The following ST6GALNAC3 variants were observed in gnomAD, a reference collection of about 807,000 sequenced individuals.
ST6GALNAC3 encodes the protein ST6 N-acetylgalactosaminide alpha-2,6-sialyltransferase 3.
Under a neutral mutation model 32.7 loss-of-function variants are expected in ST6GALNAC3, and 25 were observed. The observed-to-expected ratio is 0.76, with a 90% CI of 0.56 to 1.07. ST6GALNAC3 has a LOEUF of 1.07. Among genes scored for constraint, ST6GALNAC3 ranks in the 50% least tolerant of loss-of-function variants. The probability of loss-of-function intolerance (pLI) is 0.00; values close to 1 mark genes in which losing one functional copy is unlikely to be tolerated. For synonymous variants in ST6GALNAC3, 129 were observed against 133.1 expected, an observed-to-expected ratio of 0.97 and a Z score of 0.21; for missense variants, 355 against 382.4, an observed-to-expected ratio of 0.93 and a Z score of 0.60.
chr1:76,253,828 G>T (rs1341090532), intron 1 of ST6GALNAC3, among the ~76,000 whole-genome samples: 2 of 152,056 alleles, frequency 1.3e-5, no homozygotes, highest in African/African-American at 4.8e-5. Context: ...AGATGGCATG[G>T]GTAGTTGGGC....
intron 1 of ST6GALNAC3, among the ~76,000 whole-genome samples, chr1:76,088,259 A>T (rs1646990754): frequency 6.6e-6 from 1 of 152,188 alleles, no homozygotes; most frequent in South Asian, 2.1e-4. Flanking sequence ...ATGACCACAG[A>T]CTTTGTTTCC....
chr1:76,152,265 A>G (rs907699233), intron 1 of ST6GALNAC3, among the ~76,000 whole-genome samples: 8 of 152,146 alleles, frequency 5.3e-5, no homozygotes, highest in Non-Finnish European at 1.2e-4. Flanking sequence ...TTTTCCAAGG[A>G]CACTGCTGAT....
At chr1:76,263,457 C>T (rs962377142) in intron 1 of ST6GALNAC3, among the ~76,000 whole-genome samples, 8 of 152,126 alleles carry the variant, frequency 5.3e-5, no homozygotes, top group African/African-American at 1.4e-4. Flanking sequence ...TTTGTCACCT[C>T]GTCTTTCCCC....
At chr1:76,152,345 G>A (rs921952436) in intron 1 of ST6GALNAC3, among the ~76,000 whole-genome samples, 2 of 152,150 alleles carry the variant, frequency 1.3e-5, no homozygotes, top group African/African-American at 2.4e-5. Flanking sequence ...TTTAAGATGC[G>A]GAGGAAATCT....
chr1:76,601,062 G>C (rs1647219098), intron 3 of ST6GALNAC3, among the ~76,000 whole-genome samples: 1 of 152,078 alleles, frequency 6.6e-6, no homozygotes, highest in Non-Finnish European at 1.5e-5. Context: ...GCCAGGCATG[G>C]TGGTGCTTGC....
intron 3 of ST6GALNAC3, among the ~76,000 whole-genome samples, chr1:76,415,171 C>CTTTTTTTTTTTTT (rs71072000): frequency 1.4e-5 from 1 of 70,462 alleles, no homozygotes; most frequent in Admixed American, 1.7e-4. Flanking sequence ...GGATTCATGT[C>CTTTTTTTTTTTTT]TTTTTTTTTT....
intron 1 of ST6GALNAC3, among the ~76,000 whole-genome samples, chr1:76,169,140 G>A (rs982611243): frequency 2.0e-5 from 3 of 152,118 alleles, no homozygotes; most frequent in Admixed American, 6.6e-5. Flanking sequence ...TGTAAGGTAG[G>A]TCTGGTGGTA....
chr1:76,207,315 C>T (rs930665079), intron 1 of ST6GALNAC3, among the ~76,000 whole-genome samples: 1 of 152,220 alleles, frequency 6.6e-6, no homozygotes, highest in Non-Finnish European at 1.5e-5. Context: ...GTGCCTGTCC[C>T]ACCAAGCTCA....
chr1:76,508,526 T>C (rs315092), intron 3 of ST6GALNAC3, among the ~76,000 whole-genome samples: 149,661 of 152,218 alleles, frequency 0.98, 73,585 homozygotes, highest in East Asian at 1. Flanking sequence ...AAGGCAGCAT[T>C]GTGTTTGAAG....
chr1:76,555,419 A>G (rs1030656925), intron 3 of ST6GALNAC3, among the ~76,000 whole-genome samples: 11 of 152,178 alleles, frequency 7.2e-5, no homozygotes, highest in Non-Finnish European at 1.3e-4. Context: ...CTTCTCTTAA[A>G]GGATTCTTCC....
intron 2 of ST6GALNAC3, among the ~76,000 whole-genome samples, chr1:76,368,224 T>C (rs1162742814): frequency 2.0e-5 from 3 of 152,088 alleles, no homozygotes; most frequent in African/African-American, 7.2e-5. Context: ...CTATAGGCAA[T>C]AGACAAATGA....
chr1:76,556,478 G>A (rs1218087365), intron 3 of ST6GALNAC3, among the ~76,000 whole-genome samples: 3 of 151,976 alleles, frequency 2.0e-5, no homozygotes, highest in South Asian at 2.1e-4. Context: ...TAGAGTAGCT[G>A]TACCAGTTTA....
intron 1 of ST6GALNAC3, among the ~76,000 whole-genome samples, chr1:76,276,977 A>G (rs1239268363): frequency 6.6e-6 from 1 of 151,876 alleles, no homozygotes; most frequent in Admixed American, 6.6e-5. Flanking sequence ...TCTGTTTATG[A>G]TTTTTACCCA....
At chr1:76,599,807 A>G (rs1423880567) in intron 3 of ST6GALNAC3, among the ~76,000 whole-genome samples, 1 of 150,092 alleles carries the variant, frequency 6.7e-6, no homozygotes, top group African/African-American at 2.5e-5. Context: ...ATTCTCCATC[A>G]CAATTTATTG....
intron 1 of ST6GALNAC3, among the ~76,000 whole-genome samples, chr1:76,278,371 G>A (rs973656582): frequency 2.6e-5 from 4 of 151,774 alleles, no homozygotes; most frequent in African/African-American, 4.8e-5. Flanking sequence ...ACAGGGGCCC[G>A]CCACCATGCC....
chr1:76,464,769 A>T (rs1208054661), intron 3 of ST6GALNAC3, among the ~76,000 whole-genome samples: 1 of 152,178 alleles, frequency 6.6e-6, no homozygotes, highest in Non-Finnish European at 1.5e-5. Context: ...GGTCATTCTT[A>T]ATTCCACTTT....
chr1:76,181,224 G>A (rs1016082641), intron 1 of ST6GALNAC3, among the ~76,000 whole-genome samples: 3 of 152,176 alleles, frequency 2.0e-5, no homozygotes, highest in Non-Finnish European at 4.4e-5. Flanking sequence ...CTGTTTCACC[G>A]TTGTTAATAT....
intron 3 of ST6GALNAC3, among the ~76,000 whole-genome samples, chr1:76,608,511 A>G (rs887448200): frequency 1.3e-5 from 2 of 151,872 alleles, no homozygotes; most frequent in African/African-American, 4.8e-5. Context: ...GCATGAGGGC[A>G]TTTGATACTT....
intron 1 of ST6GALNAC3, 83 bp downstream of exon 1, chr1:76,074,967 C>G (rs904087367): frequency 6.6e-7 from 1 of 1,504,604 alleles, no homozygotes; most frequent in African/African-American, 1.4e-5. Flanking sequence ...GCGGTCCCAC[C>G]GCATCCTCAT....
Sources: allele counts gnomAD v4.1 joint callset (sites outside exome capture counted in the v4.1 genomes callset), GRCh38; gene constraint gnomAD v4.1.1; transcripts MANE v1.5; gene names NCBI Gene and HGNC (gene_info 2026-07-23, HGNC 2026-07-21).